The following TCF7L2 variants were observed in gnomAD, a reference collection of about 807,000 sequenced individuals.
TCF7L2 encodes the protein transcription factor 7 like 2.
TCF7L2 carries 23 observed loss-of-function variants against 77.9 expected under a neutral mutation model. The observed-to-expected ratio is 0.30, with a 90% CI of 0.21 to 0.42. TCF7L2 has a LOEUF of 0.42. Among genes scored for constraint, TCF7L2 ranks in the 10% least tolerant of loss-of-function variants. The pLI, the probability that TCF7L2 is intolerant of heterozygous loss-of-function variation, is 1.00. For missense variants in TCF7L2, 654 were observed against 793.1 expected (o/e 0.82, Z 2.11); for synonymous variants, 413 against 340.2 (o/e 1.21, Z -2.36).
intron 13 of TCF7L2, among the ~76,000 whole-genome samples, chr10:113,163,172 T>G (rs2073465112): frequency 6.6e-6 from 1 of 152,112 alleles, no homozygotes; most frequent in South Asian, 2.1e-4. Flanking sequence ...GATACCCCTC[T>G]CATTCCTATG....
intron 4 of TCF7L2, among the ~76,000 whole-genome samples, chr10:112,976,361 G>A (rs938333292): frequency 2.6e-5 from 4 of 152,182 alleles, no homozygotes; most frequent in Admixed American, 1.3e-4. Context: ...TCTTTGCTGT[G>A]TAACAAAGAT....
At chr10:113,086,860 A>G (rs2135559492) in intron 5 of TCF7L2, among the ~76,000 whole-genome samples, 1 of 152,230 alleles carries the variant, frequency 6.6e-6, no homozygotes, top group East Asian at 1.9e-4. Context: ...CTACCCCCCT[A>G]AAATTGGAAG....
chr10:113,029,861 G>A (rs2049916973), intron 4 of TCF7L2, among the ~76,000 whole-genome samples: 1 of 151,882 alleles, frequency 6.6e-6, no homozygotes, highest in Non-Finnish European at 1.5e-5. Context: ...AAATGAATGT[G>A]GTCACCATCA....
intron 4 of TCF7L2, among the ~76,000 whole-genome samples, chr10:112,969,552 C>T (rs780563083): frequency 1.2e-4 from 18 of 152,198 alleles, no homozygotes; most frequent in Non-Finnish European, 1.6e-4. Flanking sequence ...CTTGCACTGA[C>T]CTTCTGAGAG....
chr10:113,023,628 C>T (rs2048595548), intron 4 of TCF7L2, among the ~76,000 whole-genome samples: 1 of 152,086 alleles, frequency 6.6e-6, no homozygotes, highest in African/African-American at 2.4e-5. Context: ...TGCACCACCA[C>T]ACCCAGCTAA....
chr10:112,951,692 C>CCCTCCCCGCCTCCCCCTCCCCGCCT (rs2031442873), intron 3 of TCF7L2, 85 bp downstream of exon 3: 1 of 753,528 alleles, frequency 1.3e-6, no homozygotes, highest in African/African-American at 2.0e-5. Flanking sequence ...CTGCCCTGCC[C>CCCTCCCCGCCTCCCCCTCCCCGCCT]CCTCCCCGCC....
chr10:113,016,037 T>C (rs2047282057), intron 4 of TCF7L2, among the ~76,000 whole-genome samples: 1 of 151,428 alleles, frequency 6.6e-6, no homozygotes, highest in African/African-American at 2.4e-5. Context: ...AAGTACTGTA[T>C]TGCTAGGCTA....
chr10:113,054,889 T>C (rs2055103143), intron 5 of TCF7L2, among the ~76,000 whole-genome samples: 1 of 152,180 alleles, frequency 6.6e-6, no homozygotes, highest in Non-Finnish European at 1.5e-5. Context: ...TTTTGCAGCA[T>C]GCTTTTCTTA....
At chr10:113,091,159 C>T (rs1307246938) in intron 5 of TCF7L2, among the ~76,000 whole-genome samples, 1 of 152,160 alleles carries the variant, frequency 6.6e-6, no homozygotes, top group Admixed American at 6.5e-5. Flanking sequence ...GACTTGGCCT[C>T]CCAAAGTGCT....
Position 113,158,053 on chromosome 10 carries a change from G to C in TCF7L2, c.1302G>C (p.Gln434His), listed in dbSNP as rs1302051204. The change falls in exon 12 of 14, where the codon CAG becomes CAC. Residue 434 changes from glutamine (Q) to histidine (H), a missense_variant. This residue lies in a region of TCF7L2 where 272 missense variants were observed against 215.4 expected (regional missense o/e 1.26). Transcript: ENST00000627217. Reference sequence around the variant, plus strand: ...AGAAGAAGAGGAAAAGGGACAAGCAGCCGGGAGAGACCAATGGTAAGTGAC... The same window carrying C: ...AGAAGAAGAGGAAAAGGGACAAGCACCCGGGAGAGACCAATGGTAAGTGAC... 5.6e-6 allele frequency: 9 copies of C among 1,598,678 alleles called. No homozygotes were observed. In the South Asian group the frequency reaches 1.0e-4, roughly 18 times the overall value.
chr10:113,084,461 GATGGGCT>G (rs2059620814), intron 5 of TCF7L2, among the ~76,000 whole-genome samples: 1 of 152,236 alleles, frequency 6.6e-6, no homozygotes, highest in South Asian at 2.1e-4. Flanking sequence ...GCCTTCAGCT[GATGGGCT>G]GAGGCCTGCT....
chr10:113,032,960 A>G lies in TCF7L2; in HGVS notation c.451-7065A>G, dbSNP rs544355270. On this transcript the variant is annotated intron_variant, in intron 4 of 13. Transcript: ENST00000627217. ...ATCTTATAACAACCAACTGATAGAG[A>G]TAGAAGATAAGGCTATTAAATTGTT... Among the ~76,000 whole-genome samples, 18 of 152,328 alleles carry G rather than the reference A, an allele frequency of 1.2e-4. No individual in the cohort carries two copies. In the South Asian group the frequency reaches 3.3e-3, roughly 28 times the overall value.
rs376832334 is a variant in TCF7L2 at position 113,164,767 on chromosome 10, CGTTTTTT to C, written c.1392-774_1392-768del. Reference sequence around the variant, plus strand: ...TTTTGGTGGTTTCTTTTTTTTGTTTCGTTTTTTGTTTTTTGTTTTTGTTTTAAGTTTA... The same window carrying C: ...TTTTGGTGGTTTCTTTTTTTTGTTTCGTTTTTTGTTTTTGTTTTAAGTTTA... On this transcript the variant is annotated intron_variant, in intron 13 of 13. Coordinates refer to ENST00000627217, the MANE Select transcript of TCF7L2 (RefSeq NM_001146274.2). 2.3e-4 allele frequency among the ~76,000 whole-genome samples: 35 copies of C among 149,616 alleles called. 1 individual carries two copies. Among genetic ancestry groups the C allele is most frequent in the South Asian group, 1.3e-3 (6 of 4,698 alleles).
chr10:113,055,440 A>C (rs2134688662), intron 5 of TCF7L2, among the ~76,000 whole-genome samples: 1 of 152,350 alleles, frequency 6.6e-6, no homozygotes, highest in East Asian at 1.9e-4. Context: ...TTCATTTTAA[A>C]GAATCAGATA....
At chr10:113,063,896 G>C (rs1355462965) in intron 5 of TCF7L2, among the ~76,000 whole-genome samples, 1 of 100,284 alleles carries the variant, frequency 1.0e-5, no homozygotes, top group African/African-American at 3.8e-5. Context: ...GATGTGGCGT[G>C]TGTGTGTGTG....
chr10:113,090,116 G>A (rs550350214), intron 5 of TCF7L2, among the ~76,000 whole-genome samples: 23 of 152,178 alleles, frequency 1.5e-4, no homozygotes, highest in Non-Finnish European at 2.6e-4. Flanking sequence ...TCAATACAGT[G>A]TCAATACCCC....
At chr10:113,109,015 A>G (rs190236867) in intron 5 of TCF7L2, among the ~76,000 whole-genome samples, 25 of 152,226 alleles carry the variant, frequency 1.6e-4, no homozygotes, top group African/African-American at 4.6e-4. Context: ...ATACCTGCCA[A>G]CTGTCCCCTT....
chr10:112,987,566 A>C (rs1234189556), intron 4 of TCF7L2: 1 of 152,140 alleles, frequency 6.6e-6, no homozygotes, highest in Non-Finnish European at 1.5e-5. Flanking sequence ...TCTCAGGTGG[A>C]GCTCCAGAGT....
intron 5 of TCF7L2, chr10:113,126,634 T>C (rs1016516597): frequency 1.0e-6 from 1 of 985,286 alleles, no homozygotes; most frequent in Non-Finnish European, 1.2e-6. Flanking sequence ...ATCCCAGTTA[T>C]TGTGCTCTTC....
Sources: allele counts gnomAD v4.1 joint callset (sites outside exome capture counted in the v4.1 genomes callset), GRCh38; gene constraint gnomAD v4.1.1; regional missense constraint gnomAD v4.1.1; transcripts MANE v1.5; gene names NCBI Gene and HGNC (gene_info 2026-07-23, HGNC 2026-07-21).